The following PIGL variants were observed in gnomAD, a reference collection of about 807,000 sequenced individuals.
The protein encoded by PIGL is N-acetylglucosaminyl-phosphatidylinositol de-N-acetylase.
A neutral mutation model predicts 31.1 loss-of-function variants in PIGL; 22 were observed. The observed-to-expected ratio is 0.71, with a 90% CI of 0.51 to 1.01. The LOEUF is 1.01. Ranked by LOEUF, PIGL falls within the 50% of genes least tolerant of loss-of-function variation. The pLI is 0.00. For missense variants in PIGL, 302 were observed against 315.9 expected (o/e 0.96, Z 0.33); for synonymous variants, 131 against 117.4 (o/e 1.12, Z -0.75).
intron 2 of PIGL, among the ~76,000 whole-genome samples, chr17:16,269,556 TAGG>T (rs201637748): frequency 0.042 from 6,257 of 150,380 alleles, 149 homozygotes; most frequent in African/African-American, 0.067. Flanking sequence ...GAGGCTGAGG[TAGG>T]AGAATTGCTT....
chr17:16,300,126 C>A (rs2092998349), intron 3 of PIGL, 148 bp downstream of exon 3: 15 of 620,914 alleles, frequency 2.4e-5, no homozygotes, highest in Admixed American at 5.6e-5. Flanking sequence ...CCAATGCTCA[C>A]CATTAAACCT....
intron 2 of PIGL, among the ~76,000 whole-genome samples, chr17:16,235,307 G>T (rs1381616820): frequency 6.6e-6 from 1 of 152,016 alleles, no homozygotes; most frequent in Non-Finnish European, 1.5e-5. Flanking sequence ...CATTATAGTT[G>T]GTTGATATTC....
At chr17:16,259,864 T>C (rs539358792) in intron 2 of PIGL, among the ~76,000 whole-genome samples, 19 of 152,302 alleles carry the variant, frequency 1.2e-4, no homozygotes, top group Admixed American at 9.8e-4. Context: ...GCTGTAGCTG[T>C]GGACCCAGGC....
chr17:16,285,189 A>G (rs555848107), intron 2 of PIGL, among the ~76,000 whole-genome samples: 1 of 152,342 alleles, frequency 6.6e-6, no homozygotes, highest in South Asian at 2.1e-4. Flanking sequence ...TATTTGTTGC[A>G]ATAATATGAA....
chr17:16,217,461 G>A lies in PIGL; in HGVS notation c.235G>A (p.Gly79Arg). Residue 79 changes from glycine (G) to arginine (R), a missense_variant and splice_region_variant, in exon 1 of 7, where the codon GGA becomes AGA. By Grantham distance (125) the Gly-to-Arg change is moderately radical. Transcript: ENST00000225609. ...GGTGTACCTGCTTTGCTTCTCTGCAGGTAGGAGGCCATAGGAGGGGCGATG... is the reference window on the plus strand; with the variant it reads ...GGTGTACCTGCTTTGCTTCTCTGCAAGTAGGAGGCCATAGGAGGGGCGATG... Reference protein sequence around the residue: ...HWVYLLCFSAGNYYNQGETRK... With the variant: ...HWVYLLCFSARNYYNQGETRK... 2 of 1,612,128 alleles carry A rather than the reference G, an allele frequency of 1.2e-6. No homozygotes were observed. The highest frequency in any genetic ancestry group is 1.7e-6 in the Non-Finnish European group (2 of 1,178,172).
chr17:16,285,822 G>A (rs112822642), intron 2 of PIGL, among the ~76,000 whole-genome samples: 88 of 152,160 alleles, frequency 5.8e-4, no homozygotes, highest in African/African-American at 2.0e-3. Flanking sequence ...GTATGGCTTA[G>A]GTTAGTCCTT....
At position 16,217,412 on chromosome 17, in the gene PIGL, A is replaced by G. The variant is rs2092588136; in HGVS notation, c.186A>G (p.Leu62=). ...DEAMFFAPTV[L]GLARLRHWVY... ...CCATGTTTTTTGCTCCCACAGTGCT[A>G]GGCTTGGCCCGCCTAAGGCACTGGG... is the stretch of plus-strand genomic sequence containing the variant. The change falls in exon 1 of 7, where the codon CTA becomes CTG. Residue 62 remains leucine, a synonymous_variant. Transcript: ENST00000225609. 6.2e-7 allele frequency: 1 copy of G among 1,614,156 alleles called. No homozygotes were observed. Among genetic ancestry groups the G allele is most frequent in the South Asian group, 1.1e-5 (1 of 91,076 alleles).
chr17:16,266,388 C>CAAAAAAA (rs60708474), intron 2 of PIGL, among the ~76,000 whole-genome samples: 2 of 72,010 alleles, frequency 2.8e-5, no homozygotes, highest in Non-Finnish European at 5.3e-5. Context: ...GACTCCATCT[C>CAAAAAAA]AAAAAAAAAA....
intron 2 of PIGL, among the ~76,000 whole-genome samples, chr17:16,267,289 T>G (rs1395818083): frequency 6.6e-6 from 1 of 152,128 alleles, no homozygotes; most frequent in Admixed American, 6.6e-5. Flanking sequence ...CATGAAGGTC[T>G]TCATCCCTGT....
At chr17:16,243,346 G>A (rs1189875570) in intron 2 of PIGL, among the ~76,000 whole-genome samples, 3 of 152,164 alleles carry the variant, frequency 2.0e-5, no homozygotes, top group African/African-American at 4.8e-5. Flanking sequence ...CACCGTTTCT[G>A]GCCTGCTGAT....
At chr17:16,246,929 T>G (rs1360782222) in intron 2 of PIGL, among the ~76,000 whole-genome samples, 1 of 151,754 alleles carries the variant, frequency 6.6e-6, no homozygotes, top group African/African-American at 2.4e-5. Context: ...GACCTCATGA[T>G]CCACCCGCCT....
intron 2 of PIGL, among the ~76,000 whole-genome samples, chr17:16,241,823 A>G (rs1295640296): frequency 3.3e-5 from 5 of 152,212 alleles, no homozygotes; most frequent in African/African-American, 1.2e-4. Flanking sequence ...GAGTATTTTT[A>G]GCATTTTTCT....
intron 2 of PIGL, among the ~76,000 whole-genome samples, chr17:16,240,417 A>G (rs1056799464): frequency 2.0e-5 from 3 of 152,116 alleles, no homozygotes; most frequent in Non-Finnish European, 2.9e-5. Flanking sequence ...GGCTCAAGCA[A>G]TCCTCCCACC....
intron 2 of PIGL, among the ~76,000 whole-genome samples, chr17:16,252,290 T>C (rs1019205990): frequency 6.6e-6 from 1 of 152,016 alleles, no homozygotes; most frequent in Admixed American, 6.6e-5. Context: ...GCCAGGATGG[T>C]CTCGATCTCT....
intron 2 of PIGL, among the ~76,000 whole-genome samples, chr17:16,291,370 G>A (rs1014544996): frequency 6.7e-6 from 1 of 150,344 alleles, no homozygotes. Context: ...AGTCGAGCGT[G>A]GTGGCGGGCA....
At chr17:16,235,357 T>C (rs1055853192) in intron 2 of PIGL, among the ~76,000 whole-genome samples, 1 of 152,098 alleles carries the variant, frequency 6.6e-6, no homozygotes, top group Non-Finnish European at 1.5e-5. Context: ...GTGGATTTGT[T>C]GAAGAAACTG....
At chr17:16,230,086 C>G (rs926846355) in intron 1 of PIGL, among the ~76,000 whole-genome samples, 9 of 152,110 alleles carry the variant, frequency 5.9e-5, no homozygotes, top group Non-Finnish European at 1.2e-4. Context: ...TGGTCTCAAT[C>G]TCTTGACCTC....
At position 16,326,069 on chromosome 17, in the gene PIGL, T is replaced by G; in HGVS notation, c.*171T>G. 3.5e-6 allele frequency: 2 copies of G among 563,490 alleles called. No homozygotes were observed. Among genetic ancestry groups the G allele is most frequent in the Admixed American group, 3.3e-5 (1 of 30,750 alleles). 34.9% of individuals were successfully genotyped at this position (563,490 alleles called of 1,614,324 possible). On this transcript the variant is annotated 3_prime_UTR_variant, in exon 7 of 7. Transcript: ENST00000225609. ...AGGGGCTGTCCAAACTCCAGCTTCT[T>G]CCCCTGGGAAAAAACCCAAAGAACC... is the stretch of plus-strand genomic sequence containing the variant.
At chr17:16,308,463 T>C (rs181674561) in intron 3 of PIGL, among the ~76,000 whole-genome samples, 1,791 of 152,296 alleles carry the variant, frequency 0.012, 12 homozygotes, top group Non-Finnish European at 0.018. Flanking sequence ...TCAATAAATA[T>C]TTATTGAGTA....
Sources: gnomAD v4.1 joint callset for allele counts (sites outside exome capture counted in the v4.1 genomes callset) on GRCh38, gnomAD v4.1.1 for gene constraint, MANE v1.5 for transcripts, NCBI Gene and HGNC (gene_info 2026-07-23, HGNC 2026-07-21) for gene names.